EXOSC7: variants seen among roughly 807,000 people sequenced by gnomAD.
The protein encoded by EXOSC7 is exosome complex component RRP42.
A neutral mutation model predicts 34.3 loss-of-function variants in EXOSC7; 25 were observed. That is an observed-to-expected ratio of 0.73 (90% CI 0.53 to 1.02). The LOEUF is 1.02. Among genes scored for constraint, EXOSC7 ranks in the 50% least tolerant of loss-of-function variants. The probability of loss-of-function intolerance (pLI) is 0.00; values close to 1 mark genes in which losing one functional copy is unlikely to be tolerated. For missense variants in EXOSC7, 370 were observed against 368.5 expected, an observed-to-expected ratio of 1.00 and a Z score of -0.03; for synonymous variants, 130 against 143.0, an observed-to-expected ratio of 0.91 and a Z score of 0.65.
intron 5 of EXOSC7, chr3:45,005,061 TGGGA>T: frequency 1.0e-5 from 5 of 488,934 alleles, no homozygotes; most frequent in African/African-American, 3.8e-5. Context: ...TTTTTTCCAT[TGGGA>T]TATCTGATTG....
intron 3 of EXOSC7, among the ~76,000 whole-genome samples, chr3:44,994,396 A>G (rs1706659992): frequency 6.6e-6 from 1 of 151,364 alleles, no homozygotes; most frequent in African/African-American, 2.4e-5. Flanking sequence ...GGTGGACCTT[A>G]AATCAGGGCT....
At chr3:45,005,146 G>A (rs1706996940) in intron 5 of EXOSC7, 145 bp from the exon 6 acceptor site, 2 of 893,198 alleles carry the variant, frequency 2.2e-6, no homozygotes, top group South Asian at 1.7e-5. Context: ...TTTTGACAGG[G>A]ATGACAGGGA....
chr3:45,010,594 T>TA (rs1043299376), intron 7 of EXOSC7, among the ~76,000 whole-genome samples: 25 of 152,300 alleles, frequency 1.6e-4, no homozygotes, highest in Admixed American at 1.3e-3. Context: ...TTGTTTTTTT[T>TA]ACCTCTCGTG....
At chr3:44,978,167 G>A (rs1329115416) in intron 1 of EXOSC7, among the ~76,000 whole-genome samples, 1 of 152,222 alleles carries the variant, frequency 6.6e-6, no homozygotes, top group Non-Finnish European at 1.5e-5. Flanking sequence ...TGAAGTTAAA[G>A]TATACCAGGG....
Position 45,007,504 on chromosome 3 carries a change from G to C in EXOSC7, c.700G>C (p.Gly234Arg). The part of the protein sequence containing the change: ...ASLLVSVTSK[G>R]VVTCMRKVGK... ...CTTGCTGGTGTCGGTGACCAGCAAG[G>C]GAGTTGTGACGTGCATGAGGAAAGT... Residue 234 changes from glycine to arginine, a missense_variant, in exon 7 of 8, where the codon GGA (glycine) becomes CGA (arginine). Gly to Arg is a moderately radical substitution (Grantham distance 125). This residue lies in a region of EXOSC7 where 255 missense variants were observed against 246.4 expected (regional missense o/e 1.03). Coordinates refer to ENST00000265564, the MANE Select transcript of EXOSC7 (RefSeq NM_015004.4). 1 of 1,614,126 alleles carries C rather than the reference G, an allele frequency of 6.2e-7. No homozygotes were observed. The highest frequency in any genetic ancestry group is 8.5e-7 in the Non-Finnish European group (1 of 1,179,992).
intron 2 of EXOSC7, 140 bp downstream of exon 2, chr3:44,989,381 G>GT: frequency 1.2e-6 from 1 of 819,404 alleles, no homozygotes; most frequent in Non-Finnish European, 2.0e-6. Flanking sequence ...AGGGAGGGGG[G>GT]GTCTATCCAG....
intron 3 of EXOSC7, among the ~76,000 whole-genome samples, chr3:44,994,938 C>T (rs1413336129): frequency 2.0e-5 from 3 of 149,770 alleles, no homozygotes; most frequent in African/African-American, 7.4e-5. Flanking sequence ...TAAAAATTTC[C>T]ACTTTAACCC....
intron 5 of EXOSC7, 123 bp from the exon 6 acceptor site, chr3:45,005,168 A>G: frequency 1.8e-6 from 2 of 1,120,880 alleles, no homozygotes; most frequent in South Asian, 2.9e-5. Context: ...GAGGATGATA[A>G]AGAATAGGCA....
At chr3:44,986,598 A>G (rs1438714926) in intron 1 of EXOSC7, among the ~76,000 whole-genome samples, 3 of 152,224 alleles carry the variant, frequency 2.0e-5, no homozygotes, top group Non-Finnish European at 2.9e-5. Context: ...GTGGGAGCCC[A>G]GGCAGAGGAG....
intron 6 of EXOSC7, among the ~76,000 whole-genome samples, chr3:45,005,766 G>A (rs1488163624): frequency 6.6e-6 from 1 of 152,156 alleles, no homozygotes; most frequent in East Asian, 1.9e-4. Flanking sequence ...TAGTGGCAGG[G>A]TGGCGAACAC....
intron 3 of EXOSC7, 132 bp downstream of exon 3, chr3:44,989,776 A>C: frequency 3.1e-6 from 2 of 654,308 alleles, no homozygotes; most frequent in Non-Finnish European, 2.6e-6. Flanking sequence ...GCATTTGCTG[A>C]CCTCCTCCTA....
At chr3:45,008,613 T>C (rs532589895) in intron 7 of EXOSC7, among the ~76,000 whole-genome samples, 1 of 152,318 alleles carries the variant, frequency 6.6e-6, no homozygotes, top group South Asian at 2.1e-4. Flanking sequence ...GAGGTTGTTA[T>C]TAGGATGATG....
At chr3:44,990,794 A>G (rs748738082) in intron 3 of EXOSC7, among the ~76,000 whole-genome samples, 2 of 152,222 alleles carry the variant, frequency 1.3e-5, no homozygotes, top group Non-Finnish European at 2.9e-5. Flanking sequence ...TTATTTGCAC[A>G]ATATAGGCAC....
At chr3:44,997,772 A>G (rs1289443681) in intron 4 of EXOSC7, among the ~76,000 whole-genome samples, 1 of 152,224 alleles carries the variant, frequency 6.6e-6, no homozygotes. Context: ...TCTCAAAGCC[A>G]GGTCTGTATG....
chr3:44,986,383 G>T (rs184322000), intron 1 of EXOSC7, among the ~76,000 whole-genome samples: 1 of 152,188 alleles, frequency 6.6e-6, no homozygotes. Context: ...TATGGGGCCC[G>T]CCTAGCCCAC....
In EXOSC7 at chr3:44,994,913, C is replaced by T. The variant is rs949523906; in HGVS notation, c.255-2174C>T. Among the ~76,000 whole-genome samples, 76 of 137,352 alleles carry T rather than the reference C, an allele frequency of 5.5e-4. 1 individual carries two copies. Among genetic ancestry groups the T allele is most frequent in the Non-Finnish European group, 7.5e-4 (48 of 63,860 alleles). 90.1% of individuals were successfully genotyped at this position (137,352 alleles called of 152,430 possible). On this transcript the variant is annotated intron_variant, in intron 3 of 7. Coordinates refer to ENST00000265564, the MANE Select transcript of EXOSC7 (RefSeq NM_015004.4). ...TGTGTGTGTGTGTGTGTGTTTTAAGCCATTTAAAAATAGGTAAAAATTTCC... is the reference window on the plus strand; with the variant it reads ...TGTGTGTGTGTGTGTGTGTTTTAAGTCATTTAAAAATAGGTAAAAATTTCC...
At chr3:45,009,732 G>C (rs1227524055) in intron 7 of EXOSC7, among the ~76,000 whole-genome samples, 1 of 152,008 alleles carries the variant, frequency 6.6e-6, no homozygotes, top group Non-Finnish European at 1.5e-5. Flanking sequence ...ATTTTTAGTA[G>C]AGACGGGGTT....
At chr3:44,989,778 C>T in intron 3 of EXOSC7, 134 bp downstream of exon 3, 1 of 674,462 alleles carries the variant, frequency 1.5e-6, no homozygotes, top group South Asian at 1.8e-5. Context: ...ATTTGCTGAC[C>T]TCCTCCTATG....
chr3:44,983,950 A>G (rs957791044), intron 1 of EXOSC7, among the ~76,000 whole-genome samples: 2 of 151,744 alleles, frequency 1.3e-5, no homozygotes, highest in East Asian at 1.9e-4. Flanking sequence ...TCCTTTTTTT[A>G]TATGGAAAAA....
Sources: gnomAD v4.1 joint callset for allele counts (sites outside exome capture counted in the v4.1 genomes callset) on GRCh38, gnomAD v4.1.1 for gene constraint, gnomAD v4.1.1 regional missense constraint, MANE v1.5 for transcripts, NCBI Gene and HGNC (gene_info 2026-07-23, HGNC 2026-07-21) for gene names.